Variants in OCA2 observed in about 807,000 individuals in gnomAD.
OCA2 encodes the protein P protein.
In OCA2, 77 loss-of-function variants were observed where a neutral mutation model predicts 100.2. The observed-to-expected ratio is 0.77, with a 90% CI of 0.64 to 0.93. The LOEUF is 0.93. Ranked by LOEUF, OCA2 falls within the 40% of genes least tolerant of loss-of-function variation. The pLI is 0.00. For missense variants in OCA2, 1,062 were observed against 1,089.1 expected (o/e 0.98, Z 0.35); for synonymous variants, 432 against 439.2 (o/e 0.98, Z 0.21).
At chr15:27,776,949 A>G (rs1456225873) in intron 23 of OCA2, among the ~76,000 whole-genome samples, 5 of 118,150 alleles carry the variant, frequency 4.2e-5, no homozygotes, top group Non-Finnish European at 8.3e-5. Context: ...ACCTACAGGC[A>G]AGTGTGGCGG....
intron 2 of OCA2, among the ~76,000 whole-genome samples, chr15:28,051,105 C>A (rs1420175928): frequency 6.6e-6 from 1 of 152,112 alleles, no homozygotes; most frequent in Non-Finnish European, 1.5e-5. Flanking sequence ...GCAGGTCTTC[C>A]CACAGGGATG....
rs190819188 is a variant in OCA2, at chr15:27,755,114, A to G, written c.*274T>C. ...TGTATAGCAGGAAGGGTTTTTAAAC[A>G]TACGTATTTTTCTGGAGGGGAATCT... On this transcript the variant is annotated 3_prime_UTR_variant, in exon 24 of 24. Transcript: ENST00000354638. 4.7e-6 allele frequency: 2 copies of G among 424,712 alleles called. No individual in the cohort carries two copies. The highest frequency in any genetic ancestry group is 4.0e-5 in the African/African-American group (2 of 49,438). The allele number at this position is 424,712 out of a possible 1,614,324, so 26.3% of individuals were successfully genotyped here. A position where few individuals can be genotyped will look rare whatever the true frequency, so the allele number is the denominator to read the frequency against.
At chr15:27,842,800 CTG>C (rs1383907556) in intron 23 of OCA2, among the ~76,000 whole-genome samples, 1 of 152,156 alleles carries the variant, frequency 6.6e-6, no homozygotes, top group African/African-American at 2.4e-5. Flanking sequence ...GTCATACTAG[CTG>C]TTCACCACAG....
chr15:27,878,857 AATTTT>A (rs1177928062), intron 19 of OCA2, among the ~76,000 whole-genome samples: 1 of 151,974 alleles, frequency 6.6e-6, no homozygotes, highest in East Asian at 1.9e-4. Flanking sequence ...TTCTTTTTTA[AATTTT>A]ATTTTAAGTC....
At chr15:27,803,853 A>T (rs972808766) in intron 23 of OCA2, among the ~76,000 whole-genome samples, 7 of 152,216 alleles carry the variant, frequency 4.6e-5, no homozygotes, top group Non-Finnish European at 8.8e-5. Flanking sequence ...TAGAGAAATG[A>T]GAGTTCTCAT....
At chr15:28,005,046 G>GGCCTC (rs1566786850) in intron 9 of OCA2, among the ~76,000 whole-genome samples, 1 of 152,014 alleles carries the variant, frequency 6.6e-6, no homozygotes, top group African/African-American at 2.4e-5. Flanking sequence ...ACTGTGTGCC[G>GGCCTC]GCCTCGCCTC....
rs2042480125 is a variant in OCA2, at chr15:28,018,557, GCTCGGAGAGTGT to G, written c.647-12_647-1del. 1.2e-6 allele frequency: 2 copies of G among 1,612,308 alleles called. No individual in the cohort carries two copies. The highest frequency in any genetic ancestry group is 1.7e-5 in the Admixed American group (1 of 59,932). ...GTCCACGTGGCTGCTAAGGTTCACG[GCTCGGAGAGTGT>G]CAAGGAGAACCACAAGGCAGACAGG... On this transcript the variant is annotated splice_acceptor_variant and splice_polypyrimidine_tract_variant and intron_variant, in intron 6 of 23. Transcript: ENST00000354638. LOFTEE classifies it high-confidence loss of function.
At position 27,824,602 on chromosome 15, in the gene OCA2, C is replaced by CTCTCTCTCTCTCTCTCTATATATATA; in HGVS notation, c.2432+20356_2432+20357insTATATATATAGAGAGAGAGAGAGAGA. On this transcript the variant is annotated intron_variant, in intron 23 of 23. Transcript: ENST00000354638. ...TTTCTCTCTCTCTCTCTCTCTCTCT[C>CTCTCTCTCTCTCTCTCTATATATATA]TATATATATATATATATATAATATA... Among the ~76,000 whole-genome samples, 403 of 47,452 alleles carry CTCTCTCTCTCTCTCTCTATATATATA rather than the reference C, an allele frequency of 8.5e-3. 14 individuals carry two copies. The highest frequency in any genetic ancestry group is 0.037 in the East Asian group (2 of 54). 31.1% of individuals were successfully genotyped at this position (47,452 alleles called of 152,430 possible). A position where few individuals can be genotyped will look rare whatever the true frequency, so the allele number is the denominator to read the frequency against.
intron 15 of OCA2, among the ~76,000 whole-genome samples, chr15:27,964,402 G>GCT (rs1352749883): frequency 6.6e-6 from 1 of 152,238 alleles, no homozygotes; most frequent in African/African-American, 2.4e-5. Context: ...TTTTCACCAT[G>GCT]TAAGTCATGC....
At chr15:28,037,761 C>T (rs2043086137) in intron 2 of OCA2, among the ~76,000 whole-genome samples, 2 of 152,164 alleles carry the variant, frequency 1.3e-5, no homozygotes, top group Admixed American at 6.5e-5. Context: ...AGGATAGGCT[C>T]CCAGCTGCTG....
intron 17 of OCA2, among the ~76,000 whole-genome samples, chr15:27,952,943 A>G (rs578124228): frequency 1.3e-5 from 2 of 152,218 alleles, no homozygotes; most frequent in African/African-American, 4.8e-5. Flanking sequence ...TCTGCCTCCC[A>G]AAGTGCTAGG....
At chr15:27,834,791 A>C (rs973424700) in intron 23 of OCA2, among the ~76,000 whole-genome samples, 1 of 152,190 alleles carries the variant, frequency 6.6e-6, no homozygotes, top group Non-Finnish European at 1.5e-5. Context: ...CATGGTAACT[A>C]GTGGCTCCTG....
chr15:28,062,803 G>A (rs2043915005), intron 2 of OCA2, among the ~76,000 whole-genome samples: 1 of 152,034 alleles, frequency 6.6e-6, no homozygotes, highest in African/African-American at 2.4e-5. Context: ...ACAATTTGTT[G>A]GAAAGACTAT....
intron 19 of OCA2, among the ~76,000 whole-genome samples, chr15:27,908,935 A>T (rs1249103725): frequency 2.0e-5 from 3 of 152,218 alleles, no homozygotes; most frequent in African/African-American, 7.2e-5. Flanking sequence ...TACTTCTGAA[A>T]TTTGAGTTCC....
intron 23 of OCA2, among the ~76,000 whole-genome samples, chr15:27,765,748 A>C (rs960585196): frequency 6.6e-6 from 1 of 152,214 alleles, no homozygotes; most frequent in Non-Finnish European, 1.5e-5. Context: ...TTGGGCTTCA[A>C]GAATAATAAG....
At chr15:28,094,807 C>A (rs985912603) in intron 1 of OCA2, among the ~76,000 whole-genome samples, 2 of 152,162 alleles carry the variant, frequency 1.3e-5, no homozygotes, top group Admixed American at 6.5e-5. Flanking sequence ...GCCTTCAGAG[C>A]GCGCCAGACG....
chr15:27,949,435 G>C (rs1443933719), intron 18 of OCA2, among the ~76,000 whole-genome samples: 1 of 152,164 alleles, frequency 6.6e-6, no homozygotes, highest in Non-Finnish European at 1.5e-5. Flanking sequence ...GGCTGAGGCG[G>C]GAGGATCACC....
chr15:27,921,374 C>A (rs929705171), intron 19 of OCA2, among the ~76,000 whole-genome samples: 1 of 144,160 alleles, frequency 6.9e-6, no homozygotes, highest in Admixed American at 6.9e-5. Flanking sequence ...TTTAAAAAGA[C>A]AAAATAAAGG....
At chr15:27,796,694 G>C (rs768767093) in intron 23 of OCA2, among the ~76,000 whole-genome samples, 4 of 152,230 alleles carry the variant, frequency 2.6e-5, no homozygotes. Context: ...ATCGTCCAGA[G>C]CACTGCCCTT....
Sources: gnomAD v4.1 joint callset for allele counts (sites outside exome capture counted in the v4.1 genomes callset) on GRCh38, gnomAD v4.1.1 for gene constraint, MANE v1.5 for transcripts, NCBI Gene and HGNC (gene_info 2026-07-23, HGNC 2026-07-21) for gene names.